Variants in CAND2 observed in about 807,000 individuals in gnomAD.
CAND2 encodes the protein cullin-associated NEDD8-dissociated protein 2.
CAND2 carries 62 observed loss-of-function variants against 98.9 expected under a neutral mutation model. The ratio of observed to expected loss-of-function variants is 0.63; its 90% confidence interval spans 0.51 to 0.77. CAND2 has a LOEUF of 0.77. Ranked by LOEUF, CAND2 falls within the 30% of genes least tolerant of loss-of-function variation. The probability of loss-of-function intolerance (pLI) is 0.00; values close to 1 mark genes in which losing one functional copy is unlikely to be tolerated. For missense variants in CAND2, 1,501 were observed against 1,655.2 expected (o/e 0.91, Z 1.62); for synonymous variants, 770 against 731.9 (o/e 1.05, Z -0.84).
intron 10 of CAND2, among the ~76,000 whole-genome samples, chr3:12,818,758 T>C (rs1001907550): frequency 1.3e-5 from 2 of 152,204 alleles, no homozygotes; most frequent in African/African-American, 4.8e-5. Flanking sequence ...CTGTTGTTAC[T>C]AGGTAGGTTA....
At chr3:12,821,015 C>T (rs940884892) in intron 11 of CAND2, among the ~76,000 whole-genome samples, 6 of 152,144 alleles carry the variant, frequency 3.9e-5, no homozygotes, top group African/African-American at 9.7e-5. Flanking sequence ...AGGTGGATCA[C>T]CTGAGGTCAG....
intron 11 of CAND2, among the ~76,000 whole-genome samples, chr3:12,820,457 T>A (rs1313570444): frequency 1.3e-5 from 2 of 152,240 alleles, no homozygotes; most frequent in Non-Finnish European, 2.9e-5. Context: ...TCTTATTATC[T>A]GCATTTTCTA....
In CAND2 at chr3:12,817,451, A is replaced by G; in HGVS notation, c.2519A>G (p.Lys840Arg). The change falls in exon 10 of 15, where the codon AAG (lysine) becomes AGG (arginine). Residue 840 changes from lysine (K) to arginine (R), a missense_variant. Physicochemically the swap from Lys to Arg is conservative, Grantham distance 26 (BLOSUM62 2). Around this residue, in one of 3 missense-constraint regions of CAND2, gnomAD observed 1,427 missense variants for 1,545.3 expected, o/e 0.92. Transcript: ENST00000456430. Reference sequence around the variant, plus strand: ...TCGCCCCACTCCAGCACGGGGGTCAAGGTCCTGGCATTCTTGTCGCTGGCT... The same window carrying G: ...TCGCCCCACTCCAGCACGGGGGTCAGGGTCCTGGCATTCTTGTCGCTGGCT... ...ARSPHSSTGVKVLAFLSLAEV... is the reference protein window; with the variant it reads ...ARSPHSSTGVRVLAFLSLAEV... 1 of 1,613,688 alleles carries G rather than the reference A, an allele frequency of 6.2e-7. No homozygotes were observed. The highest frequency in any genetic ancestry group is 2.2e-5 in the East Asian group (1 of 44,878).
intron 13 of CAND2, 113 bp downstream of exon 13, chr3:12,827,717 T>TGC: frequency 9.9e-7 from 1 of 1,006,548 alleles, no homozygotes; most frequent in Non-Finnish European, 1.4e-6. Flanking sequence ...CCAATGAAAA[T>TGC]AGCTGCATTG....
At chr3:12,805,449 G>A (rs1350629800) in intron 2 of CAND2, among the ~76,000 whole-genome samples, 1 of 151,696 alleles carries the variant, frequency 6.6e-6, no homozygotes, top group Non-Finnish European at 1.5e-5. Context: ...CACCACACCC[G>A]GCTAATTTTT....
rs764459329 is a variant in CAND2 at position 12,815,373 on chromosome 3, G to T, written c.1239G>T (p.Trp413Cys). ...LLRQTQPPKGWLEAMEEPTQT... is the reference protein window; with the variant it reads ...LLRQTQPPKGCLEAMEEPTQT... ...GGCAAACACAGCCCCCGAAGGGATG[G>T]CTGGAGGCCATGGAGGAACCCACCC... The change falls in exon 8 of 15, where the codon TGG becomes TGT. Residue 413 changes from tryptophan (W) to cysteine (C), a missense_variant. Physicochemically the swap from Trp to Cys is radical, Grantham distance 215 (BLOSUM62 -2). Transcript: ENST00000456430. The surrounding 1 kb of genome is among the most constrained non-coding windows in gnomAD (Gnocchi z 5.7). 1 of 1,613,786 alleles carries T rather than the reference G, an allele frequency of 6.2e-7. No homozygotes were observed. Among genetic ancestry groups the T allele is most frequent in the Non-Finnish European group, 8.5e-7 (1 of 1,180,042 alleles).
rs1444967074 is a variant in CAND2 at position 12,825,371 on chromosome 3, G to A, written c.3041-99G>A. ...CACCCAGCTTACCCCCATTCAGCCA[G>A]TTCTGCACGTGCACAGTAACCAGAT... On this transcript the variant is annotated intron_variant, in intron 11 of 14. Coordinates refer to ENST00000456430, the MANE Select transcript of CAND2 (RefSeq NM_001162499.2). The A allele has an allele frequency of 4.1e-6, 5 of 1,228,412 alleles. No individual in the cohort carries two copies. In the East Asian group the frequency reaches 1.0e-4, roughly 25 times the overall value. The allele number at this position is 1,228,412 out of a possible 1,614,324, so 76.1% of individuals were successfully genotyped here. A position where few individuals can be genotyped will look rare whatever the true frequency, so the allele number is the denominator to read the frequency against.
intron 4 of CAND2, chr3:12,809,805 TA>T (rs1282713186): frequency 2.3e-6 from 1 of 434,592 alleles, no homozygotes; most frequent in East Asian, 3.8e-5. Flanking sequence ...TGCTTTCCCC[TA>T]TCAGGTCTTT....
Position 12,813,099 on chromosome 3 carries a change from T to C in CAND2, c.863+4T>C. 1 of 1,573,984 alleles carries C rather than the reference T, an allele frequency of 6.4e-7. No homozygotes were observed. The highest frequency in any genetic ancestry group is 8.6e-7 in the Non-Finnish European group (1 of 1,159,024). On this transcript the variant is annotated splice_donor_region_variant and intron_variant, in intron 6 of 14. Coordinates refer to ENST00000456430, the MANE Select transcript of CAND2 (RefSeq NM_001162499.2). ...CTTTTGAGGCCTTCTTGAGGAAGTA[T>C]GTATGGTGGGGTTGCCTGGGGATCC...
chr3:12,817,289 A>T lies in CAND2; in HGVS notation c.2357A>T (p.Tyr786Phe). 1 of 1,613,972 alleles carries T rather than the reference A, an allele frequency of 6.2e-7. No homozygotes were observed. The change falls in exon 10 of 15, where the codon TAT becomes TTT. Residue 786 changes from tyrosine to phenylalanine, a missense_variant. By Grantham distance (22) the Tyr-to-Phe change is conservative (BLOSUM62 3). Coordinates refer to ENST00000456430, the MANE Select transcript of CAND2 (RefSeq NM_001162499.2). ...KLISLLTAPV[Y>F]EQAVDGGPGL... ...ATCAGCCTGCTCACTGCGCCTGTTT[A>T]TGAGCAGGCTGTGGATGGTGGGCCT...
At chr3:12,807,902 C>T (rs867571818) in intron 3 of CAND2, among the ~76,000 whole-genome samples, 1 of 152,244 alleles carries the variant, frequency 6.6e-6, no homozygotes, top group Non-Finnish European at 1.5e-5. Context: ...CACCCAGCCA[C>T]TCCCAGCAGC....
chr3:12,810,047 C>T lies in CAND2; in HGVS notation c.492-12C>T, dbSNP rs200172044. On this transcript the variant is annotated splice_polypyrimidine_tract_variant and intron_variant, in intron 4 of 14. Transcript: ENST00000456430. ...GAGTGCGATCGGCCTGATGCCCCCT[C>T]GTGCTCCCCAGGCTGGGTGTCCCGC... is the stretch of plus-strand genomic sequence containing the variant. 31 of 1,409,856 alleles carry T rather than the reference C, an allele frequency of 2.2e-5. No homozygotes were observed. In the Admixed American group the frequency reaches 3.9e-4, roughly 18 times the overall value. 87.3% of individuals were successfully genotyped at this position (1,409,856 alleles called of 1,614,324 possible). A position where few individuals can be genotyped will look rare whatever the true frequency, so the allele number is the denominator to read the frequency against.
At chr3:12,832,406 C>T (rs1387903319) in intron 14 of CAND2, 1 of 152,184 alleles carries the variant, frequency 6.6e-6, no homozygotes, top group Admixed American at 6.5e-5. Context: ...AGTCCCAGTT[C>T]TTAAGAGGGA....
At position 12,813,384 on chromosome 3, in the gene CAND2, G is replaced by A. The variant is rs73139814; in HGVS notation, c.1002G>A (p.Glu334=). Residue 334 remains glutamate (E), a synonymous_variant, in exon 7 of 15, where the codon GAG becomes GAA. Coordinates refer to ENST00000456430, the MANE Select transcript of CAND2 (RefSeq NM_001162499.2). ...AGACAGAGGATAGTGAATTCAGTGA[G>A]CAAGGTTGGTGGACAGCCCATCATT... is the stretch of plus-strand genomic sequence containing the variant. ...QMETEDSEFS[E]QESEDEYSDD... 974 of 1,613,214 alleles carry A rather than the reference G, an allele frequency of 6.0e-4. 4 individuals are homozygous for A. The African/African-American group carries it at 9.6e-3, about 16-fold the overall frequency.
rs758604184 is a variant in CAND2 at position 12,803,555 on chromosome 3, G to A, written c.136G>A (p.Glu46Lys). ...KDSIQLDEDSERKVVKMLLRL... is the reference protein window; with the variant it reads ...KDSIQLDEDSKRKVVKMLLRL... ...CTCCATCCAGCTGGACGAGGACAGC[G>A]AGCGCAAGGTGGTGAAGATGCTGCT... The change falls in exon 2 of 15, where the codon GAG becomes AAG. Residue 46 changes from glutamate (E) to lysine (K), a missense_variant. Around this residue, in one of 3 missense-constraint regions of CAND2, gnomAD observed 62 missense variants for 77.3 expected, o/e 0.80. Transcript: ENST00000456430. 5.0e-6 allele frequency: 8 copies of A among 1,613,482 alleles called. No individual in the cohort carries two copies. The highest frequency in any genetic ancestry group is 6.8e-6 in the Non-Finnish European group (8 of 1,179,788).
chr3:12,815,292 A>G lies in CAND2; in HGVS notation c.1158A>G (p.Lys386=). Residue 386 remains lysine (K), a synonymous_variant, in exon 8 of 15, where the codon AAA becomes AAG. Transcript: ENST00000456430. The surrounding 1 kb of genome is among the most constrained non-coding windows in gnomAD (Gnocchi z 5.7). ...CACCTGTGCTCATCCGCCGCTTCAA[A>G]GAACGCGAGGAGAACGTCAAGGCTG... is the stretch of plus-strand genomic sequence containing the variant. ...TLAPVLIRRF[K]EREENVKADV... 1 of 1,614,016 alleles carries G rather than the reference A, an allele frequency of 6.2e-7. No individual in the cohort carries two copies. Among genetic ancestry groups the G allele is most frequent in the Non-Finnish European group, 8.5e-7 (1 of 1,180,044 alleles).
chr3:12,821,333 G>A (rs913106487), intron 11 of CAND2, among the ~76,000 whole-genome samples: 3 of 152,156 alleles, frequency 2.0e-5, no homozygotes, highest in Non-Finnish European at 4.4e-5. Flanking sequence ...CCGGGAGGCA[G>A]AGGTTGCAGT....
At position 12,817,790 on chromosome 3, in the gene CAND2, G is replaced by T; in HGVS notation, c.2858G>T (p.Arg953Leu). The change falls in exon 10 of 15, where the codon CGG becomes CTG. Residue 953 changes from arginine (R) to leucine (L), a missense_variant. Arg to Leu is a moderately radical substitution (Grantham distance 102). Around this residue, in one of 3 missense-constraint regions of CAND2, gnomAD observed 1,427 missense variants for 1,545.3 expected, o/e 0.92. Transcript: ENST00000456430. ...QRCEGAEEGT[R>L]GVVAECIGKL... ...TGCGAGGGTGCTGAGGAGGGCACCC[G>T]GGGGGTGGTGGCCGAGTGCATTGGG... 1.3e-6 allele frequency: 2 copies of T among 1,529,522 alleles called. No homozygotes were observed. The highest frequency in any genetic ancestry group is 1.8e-6 in the Non-Finnish European group (2 of 1,139,904). The allele number at this position is 1,529,522 out of a possible 1,614,324, so 94.7% of individuals were successfully genotyped here.
Position 12,815,304 on chromosome 3 carries a change from G to C in CAND2, c.1170G>C (p.Glu390Asp). 1 of 1,614,008 alleles carries C rather than the reference G, an allele frequency of 6.2e-7. No homozygotes were observed. Among genetic ancestry groups the C allele is most frequent in the Non-Finnish European group, 8.5e-7 (1 of 1,180,050 alleles). ...VLIRRFKEREENVKADVFTAY... is the reference protein window; with the variant it reads ...VLIRRFKEREDNVKADVFTAY... ...TCCGCCGCTTCAAAGAACGCGAGGA[G>C]AACGTCAAGGCTGACGTCTTCACTG... The change falls in exon 8 of 15, where the codon GAG becomes GAC. Residue 390 changes from glutamate (E) to aspartate (D), a missense_variant. Around this residue, in one of 3 missense-constraint regions of CAND2, gnomAD observed 1,427 missense variants for 1,545.3 expected, o/e 0.92. Transcript: ENST00000456430. This position sits in a 1 kb window ranked among gnomAD's most constrained non-coding sequence, Gnocchi z 5.7.
Sources: gnomAD v4.1 joint callset for allele counts (sites outside exome capture counted in the v4.1 genomes callset) on GRCh38, gnomAD v4.1.1 for gene constraint, gnomAD v4.1.1 regional missense constraint, Gnocchi (gnomAD v3.1) non-coding constraint, MANE v1.5 for transcripts, NCBI Gene and HGNC (gene_info 2026-07-23, HGNC 2026-07-21) for gene names.